Variants in NBAS observed in about 807,000 individuals in gnomAD.
The protein encoded by NBAS is NAG/BC035112 fusion.
Under a neutral mutation model 302.5 loss-of-function variants are expected in NBAS, and 219 were observed. The ratio of observed to expected loss-of-function variants is 0.72; its 90% CI spans 0.65 to 0.81. The LOEUF is 0.81. NBAS is among the 30% of genes least tolerant of loss of function. The pLI, the probability that NBAS is intolerant of heterozygous loss-of-function variation, is 0.00. For synonymous variants in NBAS, 1,118 were observed against 1,021.6 expected (o/e 1.09, Z -1.80); for missense variants, 2,932 against 2,841.6 (o/e 1.03, Z -0.72).
the NBAS span, among the ~76,000 whole-genome samples, chr2:15,161,261 T>C: frequency 2.6e-5 from 4 of 152,192 alleles, no homozygotes; most frequent in African/African-American, 9.7e-5. Context: ...CGCTAAAGTC[T>C]ATGAGAGACT....
At chr2:15,007,824 T>C in the NBAS span, among the ~76,000 whole-genome samples, 2 of 152,234 alleles carry the variant, frequency 1.3e-5, no homozygotes, top group Non-Finnish European at 2.9e-5. Flanking sequence ...CTGATCTAAG[T>C]TCAAATCCCA....
At chr2:15,521,563 T>C (rs1662673361) in intron 9 of NBAS, among the ~76,000 whole-genome samples, 2 of 152,216 alleles carry the variant, frequency 1.3e-5, no homozygotes, top group South Asian at 4.1e-4. Context: ...TCTAGTGTAT[T>C]AGTATTGCTT....
chr2:15,198,415 C>T (rs952913664), intron 48 of NBAS, among the ~76,000 whole-genome samples: 4 of 151,724 alleles, frequency 2.6e-5, no homozygotes, highest in South Asian at 2.1e-4. Flanking sequence ...AGGTGGCACA[C>T]GAGAAAGGAT....
intron 46 of NBAS, among the ~76,000 whole-genome samples, chr2:15,233,116 G>A (rs988588715): frequency 6.6e-6 from 1 of 152,104 alleles, no homozygotes; most frequent in African/African-American, 2.4e-5. Flanking sequence ...TTCCTTTCAT[G>A]TCTTTGTTAT....
chr2:15,220,073 CG>C (rs1260116232), intron 47 of NBAS, among the ~76,000 whole-genome samples: 2 of 135,208 alleles, frequency 1.5e-5, no homozygotes, highest in Admixed American at 1.5e-4. Flanking sequence ...GCTGGCCGGG[CG>C]GGGGGCTGAC....
At chr2:15,191,641 G>A (rs144472739) in intron 48 of NBAS, among the ~76,000 whole-genome samples, 255 of 152,176 alleles carry the variant, frequency 1.7e-3, no homozygotes, top group African/African-American at 5.9e-3. Flanking sequence ...CAACCATCCC[G>A]GTGGCACGAC....
At chr2:15,163,247 G>A (rs566658209), downstream of NBAS, among the ~76,000 whole-genome samples, 7 of 152,338 alleles carry the variant, frequency 4.6e-5, no homozygotes, top group South Asian at 1.5e-3. Context: ...CACTTTCCAA[G>A]CCAAGTCCAG....
intron 38 of NBAS, among the ~76,000 whole-genome samples, chr2:15,313,990 G>GTAAATTCTATTTAA (rs1671394009): frequency 6.6e-6 from 1 of 152,176 alleles, no homozygotes; most frequent in Non-Finnish European, 1.5e-5. Context: ...ATTCTTCAGT[G>GTAAATTCTATTTAA]ATTGGGTTCT....
At chr2:14,927,344 G>A in the NBAS span, among the ~76,000 whole-genome samples, 1 of 152,240 alleles carries the variant, frequency 6.6e-6, no homozygotes, top group East Asian at 1.9e-4. Context: ...TTTATGACCG[G>A]CTTGACTCAG....
chr2:15,440,599 C>T (rs1004152936), intron 21 of NBAS, among the ~76,000 whole-genome samples: 2 of 152,224 alleles, frequency 1.3e-5, no homozygotes, highest in Admixed American at 1.3e-4. Context: ...AAAAGCAGAG[C>T]AACTCTCCTC....
At chr2:15,098,175 T>A in the NBAS span, among the ~76,000 whole-genome samples, 1 of 18,750 alleles carries the variant, frequency 5.3e-5, no homozygotes, top group Non-Finnish European at 7.5e-5. Context: ...ATTGTATATA[T>A]TATATTGTAT....
chr2:14,925,168 A>G, the NBAS span, among the ~76,000 whole-genome samples: 58 of 152,318 alleles, frequency 3.8e-4, no homozygotes, highest in Non-Finnish European at 7.1e-4. Context: ...AGAAAACACT[A>G]CTATGGCACT....
the NBAS span, among the ~76,000 whole-genome samples, chr2:15,065,351 T>C: frequency 3.9e-5 from 6 of 152,088 alleles, no homozygotes; most frequent in African/African-American, 1.2e-4. Context: ...AAAACAAGGA[T>C]GTCCTCTCTC....
At chr2:14,786,294 T>G in the NBAS span, among the ~76,000 whole-genome samples, 1 of 152,078 alleles carries the variant, frequency 6.6e-6, no homozygotes, top group South Asian at 2.1e-4. Flanking sequence ...ATTGATTTTT[T>G]GAAGGGTTTT....
At chr2:14,961,736 A>G in the NBAS span, among the ~76,000 whole-genome samples, 1 of 152,226 alleles carries the variant, frequency 6.6e-6, no homozygotes, top group African/African-American at 2.4e-5. Flanking sequence ...TAGGAAACTG[A>G]GGCACAGAAA....
chr2:15,366,752 G>A (rs962394038), intron 31 of NBAS, 59 bp from the exon 32 acceptor site: 3 of 1,489,696 alleles, frequency 2.0e-6, no homozygotes, highest in Non-Finnish European at 2.8e-6. Flanking sequence ...GGGTGTTAAT[G>A]GCCTTCCTAA....
the NBAS span, among the ~76,000 whole-genome samples, chr2:15,093,812 A>AT: frequency 7.1e-4 from 108 of 152,298 alleles, no homozygotes; most frequent in South Asian, 0.011. Flanking sequence ...AAGCCTGGCT[A>AT]TTTTTTTAAG....
intron 25 of NBAS, among the ~76,000 whole-genome samples, chr2:15,410,562 A>T (rs1676633410): frequency 6.6e-6 from 1 of 151,216 alleles, no homozygotes; most frequent in Admixed American, 6.6e-5. Context: ...TGTGTATTTG[A>T]CTAAAAGGCA....
At chr2:15,389,454 T>C (rs1285142260) in intron 28 of NBAS, among the ~76,000 whole-genome samples, 1 of 152,202 alleles carries the variant, frequency 6.6e-6, no homozygotes, top group East Asian at 1.9e-4. Flanking sequence ...TTTATAAAAA[T>C]GTATGAAGCA....
Sources: allele counts gnomAD v4.1 joint callset (sites outside exome capture counted in the v4.1 genomes callset), GRCh38; gene constraint gnomAD v4.1.1; transcripts MANE v1.5; gene names NCBI Gene and HGNC (gene_info 2026-07-23, HGNC 2026-07-21).